The following LINGO2 variants were observed in gnomAD, a reference collection of about 807,000 sequenced individuals.
The protein encoded by LINGO2 is leucine rich repeat and Ig domain containing 2, also known as leucine-rich repeat and immunoglobulin-like domain-containing nogo receptor-interacting protein 2.
In LINGO2, 14 loss-of-function variants were observed where a neutral mutation model predicts 30.6. The observed-to-expected ratio is 0.46, with a 90% CI of 0.30 to 0.72. LINGO2 has a LOEUF of 0.72. Among genes scored for constraint, LINGO2 ranks in the 30% least tolerant of loss-of-function variants. LINGO2 has a pLI of 0.07. For synonymous variants in LINGO2, 317 were observed against 288.5 expected, an observed-to-expected ratio of 1.10 and a Z score of -1.00; for missense variants, 729 against 751.7, an observed-to-expected ratio of 0.97 and a Z score of 0.35.
chr9:28,089,594 G>T (rs1341086290), intron 4 of LINGO2, among the ~76,000 whole-genome samples: 11 of 151,804 alleles, frequency 7.2e-5, no homozygotes, highest in Non-Finnish European at 1.2e-4. Flanking sequence ...TAGCACTAAA[G>T]GCCCACAAGA....
chr9:28,211,756 G>T (rs1820600337), intron 4 of LINGO2, among the ~76,000 whole-genome samples: 1 of 151,152 alleles, frequency 6.6e-6, no homozygotes, highest in African/African-American at 2.4e-5. Flanking sequence ...CTTTCTCCCA[G>T]AAATGAGCAA....
chr9:28,527,733 C>G (rs1413587219), intron 1 of LINGO2, among the ~76,000 whole-genome samples: 3 of 152,134 alleles, frequency 2.0e-5, no homozygotes, highest in Non-Finnish European at 4.4e-5. Context: ...AGGTATTTAT[C>G]TGCTTATTTG....
chr9:28,771,764 G>C, the LINGO2 span, among the ~76,000 whole-genome samples: 1 of 152,132 alleles, frequency 6.6e-6, no homozygotes, highest in African/African-American at 2.4e-5. Flanking sequence ...TGGCTATTAG[G>C]AAAGATGCTT....
At chr9:28,556,325 A>C (rs1822689606) in intron 1 of LINGO2, among the ~76,000 whole-genome samples, 1 of 151,736 alleles carries the variant, frequency 6.6e-6, no homozygotes, top group Non-Finnish European at 1.5e-5. Flanking sequence ...AATGTACAAA[A>C]TTCACAAGCA....
At chr9:28,570,753 C>T (rs1823649167) in intron 1 of LINGO2, among the ~76,000 whole-genome samples, 3 of 151,858 alleles carry the variant, frequency 2.0e-5, no homozygotes, top group Admixed American at 1.3e-4. Context: ...ATTGGTCAAA[C>T]AGTAGAACAA....
chr9:29,030,781 G>A, the LINGO2 span, among the ~76,000 whole-genome samples: 7 of 152,120 alleles, frequency 4.6e-5, no homozygotes, highest in Non-Finnish European at 1.5e-5. Flanking sequence ...GAAATACTTT[G>A]AGACTGGGTG....
chr9:28,316,371 G>C (rs1824847565), intron 3 of LINGO2, among the ~76,000 whole-genome samples: 1 of 152,052 alleles, frequency 6.6e-6, no homozygotes, highest in African/African-American at 2.4e-5. Context: ...TGTAAAAATT[G>C]AAGATTACCA....
intron 4 of LINGO2, among the ~76,000 whole-genome samples, chr9:28,098,520 C>T (rs1039500663): frequency 2.0e-5 from 3 of 152,140 alleles, no homozygotes; most frequent in African/African-American, 7.2e-5. Flanking sequence ...TACTTCTTAG[C>T]ACCTGGCCTT....
intron 4 of LINGO2, among the ~76,000 whole-genome samples, chr9:28,089,965 A>G (rs928528633): frequency 1.3e-5 from 2 of 152,226 alleles, no homozygotes; most frequent in African/African-American, 4.8e-5. Context: ...AAAATCTACA[A>G]GAAATGGATA....
At chr9:28,778,072 A>C in the LINGO2 span, among the ~76,000 whole-genome samples, 1 of 152,132 alleles carries the variant, frequency 6.6e-6, no homozygotes, top group Middle Eastern at 3.2e-3. Context: ...CTGCATATAA[A>C]GATTAATTGC....
rs1353502482 is a variant in LINGO2, at chr9:28,148,125, G to C, written c.-86-135720C>G. On this transcript the variant is annotated intron_variant, in intron 4 of 5. Coordinates refer to ENST00000379992, the Ensembl canonical transcript of LINGO2. The surrounding 1 kb of genome is among the most constrained non-coding windows in gnomAD (Gnocchi z 5.1). ...GCGGCTCCTGCACCTGTGCCTGCCCGGGGAATCGTGGGCCGTTTCCCACTC... is the reference window on the plus strand; with the variant it reads ...GCGGCTCCTGCACCTGTGCCTGCCCCGGGAATCGTGGGCCGTTTCCCACTC... 50 of 1,062,154 alleles carry C rather than the reference G, an allele frequency of 4.7e-5. 1 individual carries two copies. The highest frequency in any genetic ancestry group is 5.9e-5 in the Non-Finnish European group (49 of 832,634). 65.8% of individuals were successfully genotyped at this position (1,062,154 alleles called of 1,614,324 possible).
rs1031280663 is a variant in LINGO2 at position 28,130,976 on chromosome 9, T to G, written c.-86-118571A>C. Among the ~76,000 whole-genome samples, 20 of 152,132 alleles carry G rather than the reference T, an allele frequency of 1.3e-4. No individual in the cohort carries two copies. Among genetic ancestry groups the G allele is most frequent in the Non-Finnish European group, 2.9e-4 (20 of 67,990 alleles). On this transcript the variant is annotated intron_variant, in intron 4 of 5. Transcript: ENST00000379992. The surrounding 1 kb of genome is among the most constrained non-coding windows in gnomAD (Gnocchi z 5.2). ...GAAAACTTTGGATTTCCCAACAATG[T>G]ATACGCCTTCCCATCTCTGCCTTTA...
At position 28,661,707 on chromosome 9, in the gene LINGO2, T is replaced by C. The variant is rs77558220; in HGVS notation, c.-365+8493A>G. Reference sequence around the variant, plus strand: ...TTTGAGACATGGAAATCTTCAAAAATGATAGATTTAAAGTTACATTTTTAA... The same window carrying C: ...TTTGAGACATGGAAATCTTCAAAAACGATAGATTTAAAGTTACATTTTTAA... On this transcript the variant is annotated intron_variant, in intron 1 of 5. Transcript: ENST00000379992. 2.0e-5 allele frequency among the ~76,000 whole-genome samples: 3 copies of C among 152,220 alleles called. No homozygotes were observed. In the East Asian group the frequency reaches 5.8e-4, roughly 29 times the overall value.
chr9:28,538,296 G>C (rs200708029), intron 1 of LINGO2, among the ~76,000 whole-genome samples: 1 of 151,914 alleles, frequency 6.6e-6, no homozygotes, highest in East Asian at 1.9e-4. Context: ...AAAAAGTATT[G>C]ATAATGATGA....
At chr9:29,200,205 A>G in the LINGO2 span, among the ~76,000 whole-genome samples, 1 of 152,090 alleles carries the variant, frequency 6.6e-6, no homozygotes, top group Non-Finnish European at 1.5e-5. Context: ...ATCACAGCAA[A>G]ATGAATGGCA....
At chr9:28,093,676 G>A (rs1826163527) in intron 4 of LINGO2, among the ~76,000 whole-genome samples, 1 of 151,838 alleles carries the variant, frequency 6.6e-6, no homozygotes, top group Non-Finnish European at 1.5e-5. Context: ...GCTTCTTCTA[G>A]TCTGAAGATG....
rs1563926945 is a variant in LINGO2 at position 28,030,904 on chromosome 9, C to CAT, written c.-86-18501_-86-18500dup. 3.9e-5 allele frequency among the ~76,000 whole-genome samples: 6 copies of CAT among 152,152 alleles called. No individual in the cohort carries two copies. The South Asian group carries it at 1.2e-3, about 31-fold the overall frequency. On this transcript the variant is annotated intron_variant, in intron 4 of 5. Transcript: ENST00000379992. ...TTTAAGTAAATCCTGTATTCGCTTG[C>CAT]ATACCATTGACAAATTGCTGAACTC...
rs373578373 is a variant in LINGO2 at position 28,456,774 on chromosome 9, A to G, written c.-279+19166T>C. 2.5e-4 allele frequency among the ~76,000 whole-genome samples: 38 copies of G among 152,348 alleles called. No homozygotes were observed. The South Asian group carries it at 6.2e-3, about 25-fold the overall frequency. On this transcript the variant is annotated intron_variant, in intron 2 of 5. Transcript: ENST00000379992. ...TAGTTCAAGAAGTTCTTGTAAAAAT[A>G]TAAGAAATGAATTGGAACAAGGATT... is the stretch of plus-strand genomic sequence containing the variant.
intron 4 of LINGO2, among the ~76,000 whole-genome samples, chr9:28,166,738 T>G (rs1231461732): frequency 6.6e-6 from 1 of 152,100 alleles, no homozygotes; most frequent in Non-Finnish European, 1.5e-5. Flanking sequence ...ATTTCCTTTT[T>G]TTTTTCCTGG....
Sources: allele counts gnomAD v4.1 joint callset (sites outside exome capture counted in the v4.1 genomes callset), GRCh38; gene constraint gnomAD v4.1.1; non-coding constraint Gnocchi (gnomAD v3.1); transcripts MANE v1.5; gene names NCBI Gene and HGNC (gene_info 2026-07-23, HGNC 2026-07-21).